The following PGS1 variants were observed in gnomAD, a reference collection of about 807,000 sequenced individuals.
PGS1 encodes the protein CDP-diacylglycerol--glycerol-3-phosphate 3-phosphatidyltransferase, mitochondrial.
Under a neutral mutation model 58.3 loss-of-function variants are expected in PGS1, and 44 were observed. That is an observed-to-expected ratio of 0.75 (90% confidence interval 0.59 to 0.97). The LOEUF (loss-of-function observed/expected upper bound fraction) is 0.97. Ranked by LOEUF, PGS1 falls within the 50% of genes least tolerant of loss-of-function variation. The probability of loss-of-function intolerance (pLI) is 0.00; values close to 1 mark genes in which losing one functional copy is unlikely to be tolerated. For missense variants in PGS1, 684 were observed against 731.1 expected (o/e 0.94, Z 0.74); for synonymous variants, 330 against 311.0 (o/e 1.06, Z -0.64).
In PGS1 at chr17:78,378,730, C is replaced by T; in HGVS notation, c.65C>T (p.Pro22Leu). 3 of 1,514,122 alleles carry T rather than the reference C, an allele frequency of 2.0e-6. No individual in the cohort carries two copies. The highest frequency in any genetic ancestry group is 2.6e-6 in the Non-Finnish European group (3 of 1,137,568). 93.8% of individuals were successfully genotyped at this position (1,514,122 alleles called of 1,614,324 possible). The part of the protein sequence containing the change: ...VFWRRLLGLL[P>L]GRPGLAALLG... ...TGGAGGCGACTGCTGGGCCTCCTGC[C>T]TGGCCGCCCAGGGCTGGCCGCGCTC... Residue 22 changes from proline to leucine, a missense_variant, in exon 1 of 10, where the codon CCT (proline) becomes CTT (leucine). Physicochemically the swap from Pro to Leu is moderately conservative, Grantham distance 98. Coordinates refer to ENST00000262764, the MANE Select transcript of PGS1 (RefSeq NM_024419.5).
intron 1 of PGS1, among the ~76,000 whole-genome samples, chr17:78,390,943 T>G (rs2082779928): frequency 6.6e-6 from 1 of 151,300 alleles, no homozygotes; most frequent in South Asian, 2.1e-4. Flanking sequence ...TCATCACTCT[T>G]TTTTTTTTCT....
At chr17:78,383,690 A>G (rs1243254397) in intron 1 of PGS1, among the ~76,000 whole-genome samples, 2 of 152,218 alleles carry the variant, frequency 1.3e-5, no homozygotes, top group Non-Finnish European at 2.9e-5. Flanking sequence ...TCGTTTGTTT[A>G]TAGCAGTATA....
chr17:78,412,777 A>T (rs908812535), intron 7 of PGS1, among the ~76,000 whole-genome samples: 1 of 152,108 alleles, frequency 6.6e-6, no homozygotes, highest in African/African-American at 2.4e-5. Context: ...GGCTCAGGAG[A>T]TCCAGCTGGA....
intron 6 of PGS1, among the ~76,000 whole-genome samples, chr17:78,401,441 A>G (rs888429995): frequency 3.9e-5 from 6 of 152,212 alleles, no homozygotes; most frequent in African/African-American, 1.4e-4. Context: ...AGCTCTGCCC[A>G]CTGGAACCAG....
chr17:78,398,691 A>G (rs1182702029), intron 4 of PGS1, among the ~76,000 whole-genome samples: 2 of 152,200 alleles, frequency 1.3e-5, no homozygotes, highest in South Asian at 2.1e-4. Context: ...GCCTTAGGCA[A>G]AAAGACTTTT....
chr17:78,419,552 G>A lies in PGS1; in HGVS notation c.1558G>A (p.Glu520Lys). The A allele has an allele frequency of 7.4e-6, 12 of 1,613,866 alleles. No homozygotes were observed. The highest frequency in any genetic ancestry group is 1.0e-5 in the Non-Finnish European group (12 of 1,179,842). ...GTCTGTTCCTCTTCCTCAGGAGCAAGAGCAGCTCTACCTGAGGTCAGGTGT... is the reference window on the plus strand; with the variant it reads ...GTCTGTTCCTCTTCCTCAGGAGCAAAAGCAGCTCTACCTGAGGTCAGGTGT... ...ALQQQLHQEQ[E>K]QLYLRSGVVS... The change falls in exon 9 of 10, where the codon GAG (glutamate) becomes AAG (lysine). Residue 520 changes from glutamate to lysine, a missense_variant. Transcript: ENST00000262764.
rs564004523 is a variant in PGS1, at chr17:78,419,493, G to A, written c.1552-53G>A. The A allele has an allele frequency of 4.7e-6, 7 of 1,504,640 alleles. No individual in the cohort carries two copies. The African/African-American group carries it at 6.9e-5, about 15-fold the overall frequency. 93.2% of individuals were successfully genotyped at this position (1,504,640 alleles called of 1,614,324 possible). On this transcript the variant is annotated intron_variant, in intron 8 of 9. Coordinates refer to ENST00000262764, the MANE Select transcript of PGS1 (RefSeq NM_024419.5). ...CTGGGCTGGGGCCAGCCGGCCATGTGGTGTGGTGCTGGAGGGGACTCCTCA... is the reference window on the plus strand; with the variant it reads ...CTGGGCTGGGGCCAGCCGGCCATGTAGTGTGGTGCTGGAGGGGACTCCTCA...
At chr17:78,403,230 C>A (rs1041767893) in intron 6 of PGS1, among the ~76,000 whole-genome samples, 3 of 152,036 alleles carry the variant, frequency 2.0e-5, no homozygotes, top group African/African-American at 7.3e-5. Flanking sequence ...ATGTCCCCCC[C>A]AAGGAATTAT....
chr17:78,419,572 AGGTGT>A lies in PGS1; in HGVS notation c.1584_1588del (p.Val529LeufsTer76), dbSNP rs1568009029. The A allele has an allele frequency of 6.2e-7, 1 of 1,613,988 alleles. No homozygotes were observed. The highest frequency in any genetic ancestry group is 1.7e-4 in the Middle Eastern group (1 of 6,060). On this transcript the variant is annotated frameshift_variant, in exon 9 of 10. Transcript: ENST00000262764. LOFTEE classifies it high-confidence loss of function. ...AGCAAGAGCAGCTCTACCTGAGGTC[AGGTGT>A]GGTGTCCTCTGCCACCTTCGAGCAG...
In PGS1 at chr17:78,414,775, C is replaced by CA; in HGVS notation, c.1403-103dup. On this transcript the variant is annotated intron_variant, in intron 7 of 9. Transcript: ENST00000262764. ...TCTGCAGCAGCCCCTCGTGTCCAGG[C>CA]ACCCAGGGCAGGCCGCCTTTCTCTT... 2.3e-6 allele frequency: 3 copies of CA among 1,318,286 alleles called. No individual in the cohort carries two copies. The South Asian group carries it at 4.0e-5, about 17-fold the overall frequency. The allele number at this position is 1,318,286 out of a possible 1,614,324, so 81.7% of individuals were successfully genotyped here.
In PGS1 at chr17:78,392,653, C is replaced by A; in HGVS notation, c.321C>A (p.Phe107Leu). ...TGCTTTCTTCCCCGGCAGAGTTTTT[C>A]GAGCTCATGAAGGTAAGTGGTATCT... Reference protein sequence around the residue: ...VRVLSSPAEFFELMKGQIRVA... With the variant: ...VRVLSSPAEFLELMKGQIRVA... Residue 107 changes from phenylalanine to leucine, a missense_variant, in exon 2 of 10, where the codon TTC becomes TTA. By Grantham distance (22) the Phe-to-Leu change is conservative (BLOSUM62 0). Transcript: ENST00000262764. 6.2e-7 allele frequency: 1 copy of A among 1,613,744 alleles called. No homozygotes were observed. The highest frequency in any genetic ancestry group is 8.5e-7 in the Non-Finnish European group (1 of 1,179,792).
At chr17:78,384,992 C>T (rs571777631) in intron 1 of PGS1, among the ~76,000 whole-genome samples, 3 of 152,350 alleles carry the variant, frequency 2.0e-5, no homozygotes, top group Non-Finnish European at 4.4e-5. Context: ...TGTTGACACG[C>T]GCTGAGGAGA....
At chr17:78,402,425 TATAC>T (rs1005709254) in intron 6 of PGS1, among the ~76,000 whole-genome samples, 10 of 4,354 alleles carry the variant, frequency 2.3e-3, no homozygotes, top group African/African-American at 9.2e-3. Flanking sequence ...TATATATATA[TATAC>T]ACACACACAC....
At position 78,406,506 on chromosome 17, in the gene PGS1, T is replaced by C. The variant is rs750557367; in HGVS notation, c.1402+2417T>C. The stretch of plus-strand genomic sequence containing the variant: ...TGTCCAGGGCATCCCACGTGCTGCT[T>C]TGAGGCCCACAGGCCTGTCTAGGCA... On this transcript the variant is annotated intron_variant, in intron 7 of 9. Transcript: ENST00000262764. Among the ~76,000 whole-genome samples, 63 of 152,138 alleles carry C rather than the reference T, an allele frequency of 4.1e-4. 1 individual carries two copies. The highest frequency in any genetic ancestry group is 3.2e-3 in the Middle Eastern group (1 of 316).
At chr17:78,390,755 A>G (rs1314760329) in intron 1 of PGS1, among the ~76,000 whole-genome samples, 2 of 152,056 alleles carry the variant, frequency 1.3e-5, no homozygotes, top group African/African-American at 4.8e-5. Context: ...GCAGGTTTTT[A>G]GTCATTGAGC....
At chr17:78,389,088 A>T (rs2082620480) in intron 1 of PGS1, among the ~76,000 whole-genome samples, 3 of 109,050 alleles carry the variant, frequency 2.8e-5, no homozygotes, top group African/African-American at 1.1e-4. Flanking sequence ...GGGGGGACAG[A>T]GTCTTCCTCT....
intron 9 of PGS1, among the ~76,000 whole-genome samples, chr17:78,423,494 TCAG>T (rs2086147705): frequency 2.6e-5 from 4 of 152,152 alleles, no homozygotes; most frequent in Admixed American, 6.5e-5. Flanking sequence ...GCATGAAGCA[TCAG>T]GCCAGAGGGT....
At chr17:78,394,847 G>T (rs1169588492) in intron 2 of PGS1, among the ~76,000 whole-genome samples, 1 of 152,212 alleles carries the variant, frequency 6.6e-6, no homozygotes, top group Non-Finnish European at 1.5e-5. Context: ...TAGCCACCGT[G>T]CCCAGCCTGA....
At chr17:78,411,229 G>T (rs926470424) in intron 7 of PGS1, among the ~76,000 whole-genome samples, 1 of 152,204 alleles carries the variant, frequency 6.6e-6, no homozygotes, top group African/African-American at 2.4e-5. Context: ...GGCACTGGGA[G>T]TGGTGGGCAC....
Sources: allele counts gnomAD v4.1 joint callset (sites outside exome capture counted in the v4.1 genomes callset), GRCh38; gene constraint gnomAD v4.1.1; transcripts MANE v1.5; gene names NCBI Gene and HGNC (gene_info 2026-07-23, HGNC 2026-07-21).